Variants in ITSN1 observed in about 807,000 individuals in gnomAD.
ITSN1 encodes intersectin-1.
A neutral mutation model predicts 239.8 loss-of-function variants in ITSN1; 58 were observed. The observed-to-expected ratio is 0.24, with a 90% CI of 0.20 to 0.30. ITSN1 has a LOEUF of 0.30. Among genes scored for constraint, ITSN1 ranks in the 10% least tolerant of loss-of-function variants. The pLI is 1.00. For synonymous variants in ITSN1, 780 were observed against 770.8 expected, an observed-to-expected ratio of 1.01 and a Z score of -0.20; for missense variants, 1,558 against 2,103.3, an observed-to-expected ratio of 0.74 and a Z score of 5.07.
intron 17 of ITSN1, among the ~76,000 whole-genome samples, chr21:33,796,488 T>C (rs1310064464): frequency 1.3e-5 from 2 of 152,200 alleles, no homozygotes; most frequent in African/African-American, 4.8e-5. Context: ...TTGTTTCAAT[T>C]ATGTTCCCGT....
At chr21:33,710,806 T>C (rs946591541) in intron 1 of ITSN1, among the ~76,000 whole-genome samples, 3 of 141,338 alleles carry the variant, frequency 2.1e-5, no homozygotes, top group African/African-American at 5.2e-5. Flanking sequence ...AAGTTTTTTG[T>C]TTTTTTTTTT....
intron 1 of ITSN1, among the ~76,000 whole-genome samples, chr21:33,693,132 T>C (rs969565136): frequency 2.0e-5 from 3 of 152,198 alleles, no homozygotes; most frequent in African/African-American, 4.8e-5. Flanking sequence ...TCTTCAAATG[T>C]AGGTGAACGC....
At chr21:33,687,270 C>T (rs760085999) in intron 1 of ITSN1, among the ~76,000 whole-genome samples, 1 of 151,322 alleles carries the variant, frequency 6.6e-6, no homozygotes, top group Non-Finnish European at 1.5e-5. Flanking sequence ...TGGTGACGTG[C>T]ACCTGTAATC....
At chr21:33,735,800 C>T (rs920385017) in intron 5 of ITSN1, among the ~76,000 whole-genome samples, 14 of 151,934 alleles carry the variant, frequency 9.2e-5, no homozygotes, top group African/African-American at 1.2e-4. Flanking sequence ...GTCAGGAGTT[C>T]GAGACCAGCC....
In ITSN1 at chr21:33,814,026, C is replaced by T; in HGVS notation, c.2681C>T (p.Thr894Ile). Residue 894 changes from threonine (T) to isoleucine (I), a missense_variant, in exon 22 of 40, where the codon ACT becomes ATT. This residue lies in a region of ITSN1 where 982 missense variants were observed against 1,209.9 expected (regional missense o/e 0.81). Coordinates refer to ENST00000381318, the MANE Select transcript of ITSN1 (RefSeq NM_003024.3). ...CAGTTAAGGCAGAGGTCCGCCTTTACTCCAGCCACGGCCACTGGCTCCTCC... is the reference window on the plus strand; with the variant it reads ...CAGTTAAGGCAGAGGTCCGCCTTTATTCCAGCCACGGCCACTGGCTCCTCC... ...AGQLRQRSAF[T>I]PATATGSSPS... 1 of 1,614,204 alleles carries T rather than the reference C, an allele frequency of 6.2e-7. No individual in the cohort carries two copies.
At chr21:33,681,268 G>A (rs1373083860) in intron 1 of ITSN1, among the ~76,000 whole-genome samples, 3 of 152,140 alleles carry the variant, frequency 2.0e-5, no homozygotes, top group Admixed American at 1.3e-4. Flanking sequence ...AGAGGTTGGG[G>A]GCAGGCAGGA....
At chr21:33,784,505 AAAAC>A (rs1393353042) in intron 16 of ITSN1, among the ~76,000 whole-genome samples, 10 of 152,194 alleles carry the variant, frequency 6.6e-5, no homozygotes, top group East Asian at 1.9e-4. Flanking sequence ...CCTGTCTCAA[AAAAC>A]AAACAAACAA....
intron 1 of ITSN1, among the ~76,000 whole-genome samples, chr21:33,658,297 A>G (rs1284746386): frequency 6.6e-6 from 1 of 152,150 alleles, no homozygotes; most frequent in Non-Finnish European, 1.5e-5. Context: ...GGGGTGACAA[A>G]GGTAGAAGAA....
chr21:33,850,303 G>A (rs2075117246), intron 29 of ITSN1, among the ~76,000 whole-genome samples: 1 of 152,146 alleles, frequency 6.6e-6, no homozygotes, highest in South Asian at 2.1e-4. Context: ...GCTACATGGG[G>A]CAAGATGTGT....
At chr21:33,848,696 C>T (rs990025331) in intron 29 of ITSN1, among the ~76,000 whole-genome samples, 1 of 152,174 alleles carries the variant, frequency 6.6e-6, no homozygotes, top group African/African-American at 2.4e-5. Context: ...CTCTGAGTGG[C>T]GTTCCACCTG....
At chr21:33,773,841 G>C (rs1246500000) in intron 12 of ITSN1, among the ~76,000 whole-genome samples, 1 of 152,018 alleles carries the variant, frequency 6.6e-6, no homozygotes, top group Non-Finnish European at 1.5e-5. Flanking sequence ...CACCATGCCT[G>C]GCTGATTTTT....
chr21:33,707,119 A>T (rs181614330), intron 1 of ITSN1, among the ~76,000 whole-genome samples: 9 of 152,264 alleles, frequency 5.9e-5, no homozygotes, highest in Admixed American at 2.0e-4. Flanking sequence ...CTTGGGGGAG[A>T]GATGTGAATT....
In ITSN1 at chr21:33,894,243, C is replaced by T. The variant is rs935967922; in HGVS notation, c.*5943C>T. The T allele has an allele frequency of 2.0e-5, 3 of 152,230 alleles. No homozygotes were observed. Among genetic ancestry groups the T allele is most frequent in the Admixed American group, 2.0e-4 (3 of 15,284 alleles). The allele number at this position is 152,230 out of a possible 1,614,324, so 9.4% of individuals were successfully genotyped here. On this transcript the variant is annotated 3_prime_UTR_variant, in exon 40 of 40. Transcript: ENST00000381318. ...GTTCATATCCACCTCCCAATAACTT[C>T]TTTAGTTCCATGCAGCCTCAATCAG... is the stretch of plus-strand genomic sequence containing the variant.
In ITSN1 at chr21:33,896,554, C is replaced by G. The variant is rs139721056; in HGVS notation, c.*8254C>G. 2.0e-5 allele frequency: 3 copies of G among 152,404 alleles called. No homozygotes were observed. Among genetic ancestry groups the G allele is most frequent in the Non-Finnish European group, 2.9e-5 (2 of 68,088 alleles). 9.4% of individuals were successfully genotyped at this position (152,404 alleles called of 1,614,324 possible). A position where few individuals can be genotyped will look rare whatever the true frequency, so the allele number is the denominator to read the frequency against. On this transcript the variant is annotated 3_prime_UTR_variant, in exon 40 of 40. Coordinates refer to ENST00000381318, the MANE Select transcript of ITSN1 (RefSeq NM_003024.3). ...GCCACACGATCTGGTCTGCGGGTGT[C>G]TGGGAGGAACCTGCTTCGGAGAGGC...
At chr21:33,845,199 G>A (rs1246626296) in intron 29 of ITSN1, among the ~76,000 whole-genome samples, 2 of 151,746 alleles carry the variant, frequency 1.3e-5, no homozygotes, top group African/African-American at 2.4e-5. Flanking sequence ...TGGGGGCCAG[G>A]GATCCAGCCG....
chr21:33,760,968 G>T lies in ITSN1; in HGVS notation c.725-955G>T, dbSNP rs564700854. Reference sequence around the variant, plus strand: ...AGGCCACTTTCATACCAGAAGTGAAGATGTTTATGATTATTTTAAGAAATG... The same window carrying T: ...AGGCCACTTTCATACCAGAAGTGAATATGTTTATGATTATTTTAAGAAATG... On this transcript the variant is annotated intron_variant, in intron 8 of 39. Transcript: ENST00000381318. Among the ~76,000 whole-genome samples, 4 of 151,786 alleles carry T rather than the reference G, an allele frequency of 2.6e-5. No individual in the cohort carries two copies. In the South Asian group the frequency reaches 8.3e-4, roughly 32 times the overall value.
chr21:33,858,676 G>C lies in ITSN1; in HGVS notation c.3784-10G>C, dbSNP rs763635813. ...TGCTTTCTGAACTGCTTCGTTTTCT[G>C]CATCTGTAGATTTTTCAAAAACCCC... On this transcript the variant is annotated splice_polypyrimidine_tract_variant and intron_variant, in intron 30 of 39. Coordinates refer to ENST00000381318, the MANE Select transcript of ITSN1 (RefSeq NM_003024.3). 7.0e-6 allele frequency: 11 copies of C among 1,572,830 alleles called. No individual in the cohort carries two copies. The highest frequency in any genetic ancestry group is 9.6e-6 in the Non-Finnish European group (11 of 1,143,736).
intron 1 of ITSN1, among the ~76,000 whole-genome samples, chr21:33,673,068 C>A (rs2090393509): frequency 6.6e-6 from 1 of 152,126 alleles, no homozygotes; most frequent in Non-Finnish European, 1.5e-5. Flanking sequence ...CATATACATC[C>A]AGTGGAATAG....
At chr21:33,833,712 A>G (rs1449875826) in intron 27 of ITSN1, among the ~76,000 whole-genome samples, 2 of 152,230 alleles carry the variant, frequency 1.3e-5, no homozygotes, top group East Asian at 1.9e-4. Flanking sequence ...CTAAAAATAC[A>G]AAAACAAAAT....
Sources: allele counts gnomAD v4.1 joint callset (sites outside exome capture counted in the v4.1 genomes callset), GRCh38; gene constraint gnomAD v4.1.1; regional missense constraint gnomAD v4.1.1; transcripts MANE v1.5; gene names NCBI Gene and HGNC (gene_info 2026-07-23, HGNC 2026-07-21).